TSEN54: variants seen among roughly 807,000 people sequenced by gnomAD.
TSEN54 encodes tRNA splicing endonuclease subunit 54, also known as tRNA-splicing endonuclease subunit Sen54.
A neutral mutation model predicts 61.9 loss-of-function variants in TSEN54; 55 were observed. The ratio of observed to expected loss-of-function variants is 0.89; its 90% CI spans 0.72 to 1.11. The LOEUF (loss-of-function observed/expected upper bound fraction) is 1.11, where lower values mean the gene tolerates loss of function less well. Ranked by LOEUF, TSEN54 falls within the 50% of genes most tolerant of loss-of-function variation. The pLI is 0.00. For synonymous variants in TSEN54, 304 were observed against 288.7 expected (o/e 1.05, Z -0.54); for missense variants, 760 against 687.7 (o/e 1.11, Z -1.18).
At position 75,522,180 on chromosome 17, in the gene TSEN54, A is replaced by C. The variant is rs764700551; in HGVS notation, c.1099A>C (p.Asn367His). The C allele has an allele frequency of 3.2e-6, 5 of 1,550,314 alleles. No homozygotes were observed. The highest frequency in any genetic ancestry group is 1.4e-5 in the African/African-American group (1 of 73,034). Residue 367 changes from asparagine (N) to histidine (H), a missense_variant, in exon 8 of 11, where the codon AAC (asparagine) becomes CAC (histidine). Physicochemically the swap from Asn to His is moderately conservative, Grantham distance 68. Transcript: ENST00000333213. ...GGCCGCGCAGTTCCAGGAAGATGTCAACGCCGATCCCGAGGTGCAGCGGTG... is the reference window on the plus strand; with the variant it reads ...GGCCGCGCAGTTCCAGGAAGATGTCCACGCCGATCCCGAGGTGCAGCGGTG... ...AEAAQFQEDV[N>H]ADPEVQRCSS...
rs2053484029 is a variant in TSEN54 at position 75,524,636 on chromosome 17, G to A, written c.*224G>A. ...CTGGAACTCAGGACTCGATTTTAAG[G>A]ACCCAGGAGGTGGGGCAGAAGAGAG... On this transcript the variant is annotated 3_prime_UTR_variant, in exon 11 of 11. Transcript: ENST00000333213. The A allele has an allele frequency of 6.1e-6, 4 of 659,942 alleles. No individual in the cohort carries two copies. In the South Asian group the frequency reaches 6.5e-5, roughly 11 times the overall value. The allele number at this position is 659,942 out of a possible 1,614,324, so 40.9% of individuals were successfully genotyped here.
intron 6 of TSEN54, among the ~76,000 whole-genome samples, chr17:75,519,319 T>C (rs536189457): frequency 1.3e-5 from 2 of 152,304 alleles, no homozygotes; most frequent in East Asian, 3.9e-4. Flanking sequence ...AGAGGCAGGA[T>C]TGGAACAGTG....
In TSEN54 at chr17:75,523,646, T is replaced by C. The variant is rs778513077; in HGVS notation, c.1314-17T>C. The C allele has an allele frequency of 1.2e-6, 2 of 1,614,196 alleles. No homozygotes were observed. Among genetic ancestry groups the C allele is most frequent in the South Asian group, 2.2e-5 (2 of 91,086 alleles). On this transcript the variant is annotated splice_polypyrimidine_tract_variant and intron_variant, in intron 9 of 10. Transcript: ENST00000333213. ...GGAGAAGAGTTCATGTCATAACGTT[T>C]CTCATTGTATTGTCAGGCTGTTGGA...
chr17:75,520,788 T>C (rs1486313729), intron 6 of TSEN54, among the ~76,000 whole-genome samples: 1 of 151,860 alleles, frequency 6.6e-6, no homozygotes, highest in Non-Finnish European at 1.5e-5. Context: ...ACCTTGTCTC[T>C]ACTAAGAATA....
chr17:75,523,482 C>T (rs1310672730), intron 9 of TSEN54, 147 bp downstream of exon 9: 9 of 1,595,582 alleles, frequency 5.6e-6, no homozygotes, highest in East Asian at 2.2e-5. Context: ...AACTAGTGTT[C>T]GTGTGTGTCT....
intron 6 of TSEN54, among the ~76,000 whole-genome samples, 153 bp downstream of exon 6, chr17:75,519,200 A>T (rs533766959): frequency 2.0e-5 from 3 of 152,194 alleles, no homozygotes; most frequent in African/African-American, 2.4e-5. Flanking sequence ...AAGCGTTCTG[A>T]GAGAGGCAGG....
chr17:75,519,997 A>G (rs2053410811), intron 6 of TSEN54, among the ~76,000 whole-genome samples: 1 of 152,208 alleles, frequency 6.6e-6, no homozygotes. Flanking sequence ...CCCTGTACAC[A>G]TCGCTGAGAA....
At chr17:75,522,390 A>G in intron 8 of TSEN54, 57 bp downstream of exon 8, 1 of 1,537,778 alleles carries the variant, frequency 6.5e-7, no homozygotes. Context: ...GAATCACAGG[A>G]CTTTGGAAAG....
Position 75,521,455 on chromosome 17 carries a change from G to A in TSEN54, c.568G>A (p.Val190Met), listed in dbSNP as rs79508780. The A allele has an allele frequency of 0.053, 85,583 of 1,614,038 alleles. 2,598 individuals are homozygous for A. The highest frequency in any genetic ancestry group is 0.057 in the Non-Finnish European group (67,650 of 1,179,982). ...YERQLNLDAS[V>M]QHLEDGDGKR... ...GAGGCAGCTTAACCTGGATGCCAGC[G>A]TGCAGCACTTGGAGGATGGAGATGG... Residue 190 changes from valine (V) to methionine (M), a missense_variant, in exon 7 of 11, where the codon GTG (valine) becomes ATG (methionine). This residue lies in a region of TSEN54 where 667 missense variants were observed against 577.8 expected (regional missense o/e 1.15). Transcript: ENST00000333213.
chr17:75,521,766 T>C lies in TSEN54; in HGVS notation c.685T>C (p.Ser229Pro). ...CCTGCAACCCAAGAGTCTGGCAGCC[T>C]CCAGCCCACCTCCCTGCAGCCAGCC... ...NSLQPKSLAA[S>P]SPPPCSQPSQ... The change falls in exon 8 of 11, where the codon TCC becomes CCC. Residue 229 changes from serine to proline, a missense_variant. By Grantham distance (74) the Ser-to-Pro change is moderately conservative. Around this residue, in one of 3 missense-constraint regions of TSEN54, gnomAD observed 667 missense variants for 577.8 expected, o/e 1.15. Transcript: ENST00000333213. 1 of 1,612,712 alleles carries C rather than the reference T, an allele frequency of 6.2e-7. No individual in the cohort carries two copies. The highest frequency in any genetic ancestry group is 2.2e-5 in the East Asian group (1 of 44,848).
intron 5 of TSEN54, chr17:75,518,563 T>A (rs62088465): frequency 0.073 from 72,067 of 984,890 alleles, 3,112 homozygotes; most frequent in African/African-American, 0.18. Context: ...GGACACAAGG[T>A]TGAATATGTG....
In TSEN54 at chr17:75,524,581, T is replaced by C. The variant is rs111972085; in HGVS notation, c.*169T>C. On this transcript the variant is annotated 3_prime_UTR_variant, in exon 11 of 11. Coordinates refer to ENST00000333213, the MANE Select transcript of TSEN54 (RefSeq NM_207346.3). ...CTCACAGAGTGAAACTGTGACCCTC[T>C]CCCTTCCCTGCTGCCTTGCAGTGAC... The C allele has an allele frequency of 1.8e-3, 1,508 of 853,008 alleles. 9 individuals carry two copies. The Middle Eastern group carries it at 0.027, about 15-fold the overall frequency. 52.8% of individuals were successfully genotyped at this position (853,008 alleles called of 1,614,324 possible).
At position 75,521,987 on chromosome 17, in the gene TSEN54, C is replaced by T. The variant is rs774219646; in HGVS notation, c.906C>T (p.Ser302=). 56 of 1,605,858 alleles carry T rather than the reference C, an allele frequency of 3.5e-5. No individual in the cohort carries two copies. Among genetic ancestry groups the T allele is most frequent in the Non-Finnish European group, 4.8e-5 (56 of 1,177,058 alleles). Reference sequence around the variant, plus strand: ...GGCGCTGGAACTTCGAGCAGATCTCCTTCCCCAACATGGCTTCAGACAGCC... The same window carrying T: ...GGCGCTGGAACTTCGAGCAGATCTCTTTCCCCAACATGGCTTCAGACAGCC... ...GKRRWNFEQI[S]FPNMASDSRH... is the part of the protein sequence containing the mutation. Residue 302 remains serine (S), a synonymous_variant, in exon 8 of 11, where the codon TCC becomes TCT. Transcript: ENST00000333213.
chr17:75,518,318 G>C (rs981438527), intron 5 of TSEN54, among the ~76,000 whole-genome samples: 2 of 152,214 alleles, frequency 1.3e-5, no homozygotes, highest in Admixed American at 1.3e-4. Context: ...GTATGGGAGT[G>C]CCATCAGAGT....
chr17:75,517,556 G>A lies in TSEN54; in HGVS notation c.370-1G>A. ...AGCTGAGCTGTTGGCCCCACTTCCA[G>A]GGCTCCATCCACCTCTTCCACCAAG... On this transcript the variant is annotated splice_acceptor_variant, in intron 4 of 10. Coordinates refer to ENST00000333213, the MANE Select transcript of TSEN54 (RefSeq NM_207346.3). LOFTEE classifies it high-confidence loss of function. 1.2e-6 allele frequency: 2 copies of A among 1,613,660 alleles called. No individual in the cohort carries two copies. Among genetic ancestry groups the A allele is most frequent in the Non-Finnish European group, 1.7e-6 (2 of 1,179,928 alleles).
Position 75,522,177 on chromosome 17 carries a change from G to A in TSEN54, c.1096G>A (p.Val366Ile), listed in dbSNP as rs1156839197. ...GGAGGCCGCGCAGTTCCAGGAAGATGTCAACGCCGATCCCGAGGTGCAGCG... is the reference window on the plus strand; with the variant it reads ...GGAGGCCGCGCAGTTCCAGGAAGATATCAACGCCGATCCCGAGGTGCAGCG... ...HAEAAQFQED[V>I]NADPEVQRCS... Residue 366 changes from valine to isoleucine, a missense_variant, in exon 8 of 11, where the codon GTC becomes ATC. Val to Ile is a conservative substitution (Grantham distance 29). This residue lies in a region of TSEN54 where 667 missense variants were observed against 577.8 expected (regional missense o/e 1.15). Coordinates refer to ENST00000333213, the MANE Select transcript of TSEN54 (RefSeq NM_207346.3). 3.2e-6 allele frequency: 5 copies of A among 1,550,902 alleles called. No homozygotes were observed. The highest frequency in any genetic ancestry group is 3.5e-6 in the Non-Finnish European group (4 of 1,145,286).
chr17:75,517,258 G>A lies in TSEN54; in HGVS notation c.369+14G>A, dbSNP rs1355792300. On this transcript the variant is annotated intron_variant, in intron 4 of 10. Coordinates refer to ENST00000333213, the MANE Select transcript of TSEN54 (RefSeq NM_207346.3). Reference sequence around the variant, plus strand: ...CTTCTGGAGTGTGTAAGTGGGGCCCGGGAGGTGGGGAAGGAGTTGGGACCA... The same window carrying A: ...CTTCTGGAGTGTGTAAGTGGGGCCCAGGAGGTGGGGAAGGAGTTGGGACCA... 6.3e-7 allele frequency: 1 copy of A among 1,581,316 alleles called. No individual in the cohort carries two copies. Among genetic ancestry groups the A allele is most frequent in the South Asian group, 1.1e-5 (1 of 87,076 alleles).
At chr17:75,519,144 T>C in intron 6 of TSEN54, 97 bp downstream of exon 6, 2 of 1,411,714 alleles carry the variant, frequency 1.4e-6, no homozygotes, top group South Asian at 1.2e-5. Context: ...CTGGAACCCT[T>C]GGCTGGAGTG....
rs780524357 is a variant in TSEN54, at chr17:75,517,584, C to G, written c.397C>G (p.Leu133Val). 20 of 1,614,016 alleles carry G rather than the reference C, an allele frequency of 1.2e-5. No individual in the cohort carries two copies. The highest frequency in any genetic ancestry group is 1.6e-5 in the Non-Finnish European group (19 of 1,180,020). ...CTCCATCCACCTCTTCCACCAAGAC[C>G]TGCCACTGTCTATCCAGGAAGCTTA... ...CGSIHLFHQD[L>V]PLSIQEAYQL... Residue 133 changes from leucine (L) to valine (V), a missense_variant, in exon 5 of 11, where the codon CTG becomes GTG. By Grantham distance (32) the Leu-to-Val change is conservative. Coordinates refer to ENST00000333213, the MANE Select transcript of TSEN54 (RefSeq NM_207346.3).
Sources: gnomAD v4.1 joint callset for allele counts (sites outside exome capture counted in the v4.1 genomes callset) on GRCh38, gnomAD v4.1.1 for gene constraint, gnomAD v4.1.1 regional missense constraint, MANE v1.5 for transcripts, NCBI Gene and HGNC (gene_info 2026-07-23, HGNC 2026-07-21) for gene names.